The following GRIP2 variants were observed in gnomAD, a reference collection of about 807,000 sequenced individuals.
GRIP2 encodes the protein glutamate receptor-interacting protein 2.
Under a neutral mutation model 108.3 loss-of-function variants are expected in GRIP2, and 58 were observed. The observed-to-expected ratio is 0.54, with a 90% CI of 0.43 to 0.67. The LOEUF is 0.67. GRIP2 is among the 30% of genes least tolerant of loss of function. GRIP2 has a pLI of 0.00. For missense variants in GRIP2, 1,278 were observed against 1,430.6 expected (o/e 0.89, Z 1.72); for synonymous variants, 586 against 598.2 (o/e 0.98, Z 0.30).
chr3:14,540,427 C>T (rs1694940275), upstream of GRIP2: 1 of 1,596,092 alleles, frequency 6.3e-7, no homozygotes, highest in East Asian at 2.3e-5. The surrounding 1 kb of genome is among the most constrained non-coding windows in gnomAD (Gnocchi z 4.1). Context: ...ACTGGCTGGG[C>T]ACCGAGTCCA....
At chr3:14,576,645 C>T in the GRIP2 span, among the ~76,000 whole-genome samples, 9 of 152,324 alleles carry the variant, frequency 5.9e-5, no homozygotes, top group Non-Finnish European at 8.8e-5. Flanking sequence ...TCTCCTGCCA[C>T]GTACAGCCTG....
chr3:14,573,494 G>A, the GRIP2 span: 4 of 1,548,454 alleles, frequency 2.6e-6, no homozygotes, highest in Non-Finnish European at 3.6e-6. Flanking sequence ...GGAAAGGCAG[G>A]AGCCCACACA....
Position 14,506,875 on chromosome 3 carries a change from G to C in GRIP2, c.2324C>G (p.Pro775Arg), listed in dbSNP as rs369531639. The change falls in exon 19 of 24, where the codon CCG (proline) becomes CGG (arginine). Residue 775 changes from proline (P) to arginine (R), a missense_variant. Pro to Arg is a moderately radical substitution (Grantham distance 103). Transcript: ENST00000621039. ...AGCACTGTCCACACTGGGCACAGCC[G>C]GCGAGAAGCGGGCTGCTGGCAGGCC... ...KGGLPAARFSPAVPSVDSAVE... is the reference protein window; with the variant it reads ...KGGLPAARFSRAVPSVDSAVE... 1 of 1,606,434 alleles carries C rather than the reference G, an allele frequency of 6.2e-7. No homozygotes were observed. Among genetic ancestry groups the C allele is most frequent in the Admixed American group, 1.7e-5 (1 of 59,082 alleles).
upstream of GRIP2, among the ~76,000 whole-genome samples, chr3:14,556,296 A>G (rs1695236485): frequency 6.6e-6 from 1 of 151,232 alleles, no homozygotes. Flanking sequence ...AAATCTACCA[A>G]TCCCCTCCTC....
upstream of GRIP2, among the ~76,000 whole-genome samples, chr3:14,543,673 G>A (rs913938313): frequency 6.6e-6 from 1 of 152,226 alleles, no homozygotes; most frequent in African/African-American, 2.4e-5. Context: ...AAGCACCCAG[G>A]CCACCAGGGG....
intron 22 of GRIP2, 51 bp from the exon 23 acceptor site, chr3:14,495,040 G>A: frequency 1.3e-6 from 2 of 1,599,684 alleles, no homozygotes; most frequent in Non-Finnish European, 1.7e-6. Flanking sequence ...TTTGCCCCCA[G>A]CCTCTCACAG....
chr3:14,567,345 A>C, the GRIP2 span, among the ~76,000 whole-genome samples: 5 of 152,154 alleles, frequency 3.3e-5, no homozygotes, highest in Non-Finnish European at 5.9e-5. Flanking sequence ...CCTCTGCAGC[A>C]TGGGATCCCG....
chr3:14,525,982 T>C (rs1464718608), intron 1 of GRIP2, 51 bp from the exon 2 acceptor site: 3 of 1,476,444 alleles, frequency 2.0e-6, no homozygotes, highest in African/African-American at 1.4e-5. Context: ...TTTCCATTCC[T>C]GCAGACCTCT....
At chr3:14,513,930 G>T in intron 12 of GRIP2, 120 bp from the exon 13 acceptor site, 1 of 1,232,506 alleles carries the variant, frequency 8.1e-7, no homozygotes, top group Non-Finnish European at 1.1e-6. Flanking sequence ...GTGACTCTCA[G>T]CTCTGCCCTG....
At chr3:14,568,326 C>T in the GRIP2 span, among the ~76,000 whole-genome samples, 1,119 of 152,178 alleles carry the variant, frequency 7.4e-3, 11 homozygotes, top group Middle Eastern at 0.034. Flanking sequence ...GGACCAGGTC[C>T]GTAAGAGGCA....
chr3:14,493,999 C>T (rs1204978276), intron 23 of GRIP2, among the ~76,000 whole-genome samples, 173 bp from the exon 24 acceptor site: 3 of 152,240 alleles, frequency 2.0e-5, no homozygotes, highest in Admixed American at 6.5e-5. Flanking sequence ...TCTCTCAGTC[C>T]TTCTGTTAGG....
In GRIP2 at chr3:14,540,138, C is replaced by T; in HGVS notation, c.40+131G>A. On this transcript the variant is annotated intron_variant, in intron 1 of 23. Transcript: ENST00000621039. This position sits in a 1 kb window ranked among gnomAD's most constrained non-coding sequence, Gnocchi z 4.1. ...CAGCAAGTGTCCTGCCCCACCCTCC[C>T]CAAGCCCTGGGTCTCCAGGGAGTGG... 8.2e-7 allele frequency: 1 copy of T among 1,224,090 alleles called. No homozygotes were observed. Among genetic ancestry groups the T allele is most frequent in the Non-Finnish European group, 1.1e-6 (1 of 880,280 alleles). The allele number at this position is 1,224,090 out of a possible 1,614,324, so 75.8% of individuals were successfully genotyped here. A position where few individuals can be genotyped will look rare whatever the true frequency, so the allele number is the denominator to read the frequency against.
chr3:14,596,889 C>T, the GRIP2 span, among the ~76,000 whole-genome samples: 3 of 152,068 alleles, frequency 2.0e-5, no homozygotes, highest in Non-Finnish European at 2.9e-5. Context: ...TACAGGCACA[C>T]GCCACCATAC....
chr3:14,494,798 G>A (rs777279416), intron 23 of GRIP2, 45 bp downstream of exon 23: 2 of 1,583,842 alleles, frequency 1.3e-6, no homozygotes, highest in South Asian at 2.3e-5. Flanking sequence ...CCTCAGGCTA[G>A]GAAACAATGC....
At chr3:14,573,741 G>T in the GRIP2 span, 1 of 1,476,018 alleles carries the variant, frequency 6.8e-7, no homozygotes, top group Non-Finnish European at 9.4e-7. Context: ...GTCCTCCCAA[G>T]AGGGCTCATC....
chr3:14,509,989 AG>A, intron 16 of GRIP2, 25 bp from the exon 17 acceptor site: 1 of 1,434,682 alleles, frequency 7.0e-7, no homozygotes, highest in Non-Finnish European at 9.2e-7. Flanking sequence ...ACCCATGAGG[AG>A]GAGGCCCCCG....
rs1313854449 is a variant in GRIP2, at chr3:14,505,662, C to G, written c.2526G>C (p.Glu842Asp). The change falls in exon 20 of 24, where the codon GAG (glutamate) becomes GAC (aspartate). Residue 842 changes from glutamate (E) to aspartate (D), a missense_variant. Coordinates refer to ENST00000621039, the MANE Select transcript of GRIP2 (RefSeq NM_001080423.4). The surrounding 1 kb of genome is among the most constrained non-coding windows in gnomAD (Gnocchi z 4.2). The part of the protein sequence containing the change: ...RTSYTPTPAD[E>D]SFPEEEEEDD... ...CCTCCTCCTCCTCCTCTGGAAAGCT[C>G]TCGTCAGCTGGGGTTGGGGTATAGC... 1.2e-6 allele frequency: 2 copies of G among 1,609,386 alleles called. No individual in the cohort carries two copies. Among genetic ancestry groups the G allele is most frequent in the Admixed American group, 1.7e-5 (1 of 59,420 alleles).
At chr3:14,598,295 T>A in the GRIP2 span, among the ~76,000 whole-genome samples, 1 of 150,404 alleles carries the variant, frequency 6.6e-6, no homozygotes, top group Non-Finnish European at 1.5e-5. Context: ...CTTCCCGTTG[T>A]CTCCTAGGTA....
Position 14,521,658 on chromosome 3 carries a change from A to T in GRIP2, c.696T>A (p.Tyr232Ter), listed in dbSNP as rs772521329. The change falls in exon 7 of 24, where the codon TAT (tyrosine) becomes TAA (stop). Residue 232 changes from tyrosine to a stop codon, truncating the protein, a stop_gained. Coordinates refer to ENST00000621039, the MANE Select transcript of GRIP2 (RefSeq NM_001080423.4). LOFTEE classifies it high-confidence loss of function. This position sits in a 1 kb window ranked among gnomAD's most constrained non-coding sequence, Gnocchi z 5.1. ...CSHEALFQVE[Y>*]DVATPDTVAN... is the part of the protein sequence containing the mutation. ...CCAACTCACCAGGGGTGGCCACATC[A>T]TACTCCACCTGAAAGAGTGCCTCGT... is the stretch of plus-strand genomic sequence containing the variant. 6.2e-7 allele frequency: 1 copy of T among 1,611,024 alleles called. No homozygotes were observed. The highest frequency in any genetic ancestry group is 1.1e-5 in the South Asian group (1 of 90,426).
Sources: gnomAD v4.1 joint callset for allele counts (sites outside exome capture counted in the v4.1 genomes callset) on GRCh38, gnomAD v4.1.1 for gene constraint, Gnocchi (gnomAD v3.1) non-coding constraint, MANE v1.5 for transcripts, NCBI Gene and HGNC (gene_info 2026-07-23, HGNC 2026-07-21) for gene names.